The following ZNF804B variants were observed in gnomAD, a reference collection of about 807,000 sequenced individuals.
ZNF804B encodes zinc finger protein 804B.
ZNF804B carries 80 observed loss-of-function variants against 101.4 expected under a neutral mutation model. The ratio of observed to expected loss-of-function variants is 0.79; its 90% CI spans 0.66 to 0.95. The LOEUF (loss-of-function observed/expected upper bound fraction) is 0.95, where lower values mean the gene tolerates loss of function less well. Ranked by LOEUF, ZNF804B falls within the 40% of genes least tolerant of loss-of-function variation. ZNF804B has a pLI of 0.00. For synonymous variants in ZNF804B, 622 were observed against 558.8 expected (o/e 1.11, Z -1.59); for missense variants, 1,673 against 1,561.9 (o/e 1.07, Z -1.20).
intron 1 of ZNF804B, among the ~76,000 whole-genome samples, chr7:88,967,851 C>T (rs1463510218): frequency 6.6e-6 from 1 of 151,428 alleles, no homozygotes; most frequent in African/African-American, 2.4e-5. Context: ...TGAAAGAGTA[C>T]TGTAGGCCTT....
intron 1 of ZNF804B, among the ~76,000 whole-genome samples, chr7:89,080,294 T>TA (rs34691685): frequency 5.8e-4 from 85 of 146,744 alleles, no homozygotes; most frequent in African/African-American, 8.9e-4. Context: ...CTCTTCACCT[T>TA]AAAAAAAAAA....
rs1289527232 is a variant in ZNF804B, at chr7:89,066,039, AT to A, written c.109-152113del. ...CAACACAATCATATGTTTAAGTACAATTTGTAGAAGACATTGCATACACACT... is the reference window on the plus strand; with the variant it reads ...CAACACAATCATATGTTTAAGTACAATTGTAGAAGACATTGCATACACACT... On this transcript the variant is annotated intron_variant, in intron 1 of 3. Transcript: ENST00000333190. Among the ~76,000 whole-genome samples, 60 of 152,292 alleles carry A rather than the reference AT, an allele frequency of 3.9e-4. 1 individual carries two copies. The Middle Eastern group carries it at 0.014, about 35-fold the overall frequency.
intron 1 of ZNF804B, among the ~76,000 whole-genome samples, chr7:88,859,711 CAA>C (rs994598699): frequency 1.3e-5 from 2 of 151,726 alleles, no homozygotes; most frequent in African/African-American, 4.8e-5. Context: ...AATGTTTCCT[CAA>C]GGAAACATTT....
chr7:88,952,700 A>G (rs921265969), intron 1 of ZNF804B, among the ~76,000 whole-genome samples: 4 of 151,838 alleles, frequency 2.6e-5, no homozygotes, highest in African/African-American at 9.7e-5. Flanking sequence ...AAGAAACTCC[A>G]AACAAAAGAC....
At chr7:89,310,085 C>CAAA (rs35079487) in intron 2 of ZNF804B, among the ~76,000 whole-genome samples, 1 of 123,116 alleles carries the variant, frequency 8.1e-6, no homozygotes, top group African/African-American at 3.1e-5. Context: ...GTTTTTAAGG[C>CAAA]AAAAAAAAAA....
intron 1 of ZNF804B, among the ~76,000 whole-genome samples, chr7:88,895,574 T>TA (rs1792272604): frequency 6.6e-6 from 1 of 152,190 alleles, no homozygotes. Flanking sequence ...TCTTGGTTTC[T>TA]AATACCATCC....
intron 2 of ZNF804B, among the ~76,000 whole-genome samples, chr7:89,276,279 C>A (rs1330015997): frequency 6.6e-6 from 1 of 151,686 alleles, no homozygotes; most frequent in Non-Finnish European, 1.5e-5. Context: ...ACGTGGTTAC[C>A]TATGGAACAA....
Position 89,001,262 on chromosome 7 carries a change from A to G in ZNF804B, c.109-216893A>G, listed in dbSNP as rs1188029347. On this transcript the variant is annotated intron_variant, in intron 1 of 3. Coordinates refer to ENST00000333190, the MANE Select transcript of ZNF804B (RefSeq NM_181646.5). The stretch of plus-strand genomic sequence containing the variant: ...ATGCACATGCTAATTAGCTATATTT[A>G]TTCTTACTGAAAAAATAACTGTGAA... Among the ~76,000 whole-genome samples, 4 of 151,220 alleles carry G rather than the reference A, an allele frequency of 2.6e-5. No individual in the cohort carries two copies. In the East Asian group the frequency reaches 5.8e-4, roughly 22 times the overall value.
intron 1 of ZNF804B, among the ~76,000 whole-genome samples, chr7:88,887,218 TG>T (rs1163223434): frequency 1.3e-5 from 2 of 152,218 alleles, no homozygotes; most frequent in African/African-American, 4.8e-5. Flanking sequence ...TGATGTTTGT[TG>T]GCCATTTGTA....
rs1219152960 is a variant in ZNF804B at position 89,194,306 on chromosome 7, C to G, written c.109-23849C>G. On this transcript the variant is annotated intron_variant, in intron 1 of 3. Coordinates refer to ENST00000333190, the MANE Select transcript of ZNF804B (RefSeq NM_181646.5). The stretch of plus-strand genomic sequence containing the variant: ...GTATTTCTTTTGCTGTGCAGAAGCT[C>G]TTTAGTTTAATTAGATCCCATTTGT... 2.0e-5 allele frequency among the ~76,000 whole-genome samples: 3 copies of G among 151,906 alleles called. No individual in the cohort carries two copies. In the East Asian group the frequency reaches 5.8e-4, roughly 29 times the overall value.
At chr7:89,138,961 T>G (rs1790677092) in intron 1 of ZNF804B, among the ~76,000 whole-genome samples, 1 of 152,046 alleles carries the variant, frequency 6.6e-6, no homozygotes, top group South Asian at 2.1e-4. Context: ...ATGTCTTTAT[T>G]AGCAGCGTGA....
intron 2 of ZNF804B, among the ~76,000 whole-genome samples, chr7:89,313,994 A>G (rs1411935205): frequency 6.6e-6 from 1 of 152,124 alleles, no homozygotes; most frequent in African/African-American, 2.4e-5. Flanking sequence ...TTTACTTTAC[A>G]TACCTCTATT....
chr7:89,277,193 C>A (rs1208856), intron 2 of ZNF804B, among the ~76,000 whole-genome samples: 36,002 of 148,934 alleles, frequency 0.24, 4,716 homozygotes, highest in Non-Finnish European at 0.27. Context: ...TACATACACA[C>A]AGAAGAGAAA....
intron 1 of ZNF804B, among the ~76,000 whole-genome samples, chr7:88,934,243 C>T (rs768569125): frequency 2.0e-5 from 3 of 151,982 alleles, no homozygotes; most frequent in Non-Finnish European, 4.4e-5. Context: ...CCTCATCTCT[C>T]ACTTTTTACA....
At chr7:88,844,422 G>T (rs1393805243) in intron 1 of ZNF804B, among the ~76,000 whole-genome samples, 1 of 152,160 alleles carries the variant, frequency 6.6e-6, no homozygotes, top group East Asian at 1.9e-4. Context: ...TAGTTGAAGA[G>T]AAAGTTCCAC....
intron 1 of ZNF804B, among the ~76,000 whole-genome samples, chr7:89,180,655 A>T (rs969939328): frequency 6.5e-4 from 99 of 151,714 alleles, no homozygotes; most frequent in African/African-American, 2.3e-3. Flanking sequence ...TATGACAAAG[A>T]CTTCTTTACT....
chr7:88,896,942 T>G (rs992316326), intron 1 of ZNF804B, among the ~76,000 whole-genome samples: 1 of 152,208 alleles, frequency 6.6e-6, no homozygotes, highest in East Asian at 1.9e-4. Context: ...TAGCTATAAT[T>G]CATGCCTATT....
At chr7:89,217,800 G>A (rs1788920328) in intron 1 of ZNF804B, among the ~76,000 whole-genome samples, 2 of 152,058 alleles carry the variant, frequency 1.3e-5, no homozygotes, top group African/African-American at 2.4e-5. Context: ...GAATTGCATA[G>A]GACACTAAAA....
At chr7:89,021,373 TG>T (rs1788665043) in intron 1 of ZNF804B, among the ~76,000 whole-genome samples, 1 of 152,042 alleles carries the variant, frequency 6.6e-6, no homozygotes, top group South Asian at 2.1e-4. Flanking sequence ...CAACTGAGGG[TG>T]TGATTCACTA....
Sources: gnomAD v4.1 joint callset for allele counts (sites outside exome capture counted in the v4.1 genomes callset) on GRCh38, gnomAD v4.1.1 for gene constraint, MANE v1.5 for transcripts, NCBI Gene and HGNC (gene_info 2026-07-23, HGNC 2026-07-21) for gene names.